Variants in ENC1 observed in about 807,000 individuals in gnomAD.
ENC1 encodes ectodermal-neural cortex 1, also known as ectoderm-neural cortex protein 1.
Under a neutral mutation model 40.9 loss-of-function variants are expected in ENC1, and 19 were observed. That is an observed-to-expected ratio of 0.46 (90% CI 0.32 to 0.68). The LOEUF (loss-of-function observed/expected upper bound fraction) is 0.68, where lower values mean the gene tolerates loss of function less well. Among genes scored for constraint, ENC1 ranks in the 30% least tolerant of loss-of-function variants. The pLI is 0.03. For missense variants in ENC1, 479 were observed against 737.5 expected (o/e 0.65, Z 4.06); for synonymous variants, 285 against 291.1 (o/e 0.98, Z 0.21).
At chr5:74,630,025 C>G (rs1747338750) in intron 2 of ENC1, 33 bp from the exon 3 acceptor site, 1 of 151,846 alleles carries the variant, frequency 6.6e-6, no homozygotes, top group Non-Finnish European at 1.5e-5. Context: ...AAAAACAAAA[C>G]AAAAAAGCAT....
In ENC1 at chr5:74,634,749, T is replaced by C. The variant is rs760978814; in HGVS notation, c.1737A>G (p.Ala579=). The change falls in exon 2 of 3, where the codon GCA becomes GCG. Residue 579 remains alanine, a synonymous_variant. Transcript: ENST00000302351. ...TTVPYSLIPT[A]FVSTWKHLPS ...GCAGATGTTTCCAGGTGCTGACAAA[T>C]GCAGTAGGAATCAGCGAGTACGGGA... 2 of 1,612,672 alleles carry C rather than the reference T, an allele frequency of 1.2e-6. No individual in the cohort carries two copies. The highest frequency in any genetic ancestry group is 2.2e-5 in the South Asian group (2 of 91,054).
intron 1 of ENC1, among the ~76,000 whole-genome samples, chr5:74,639,216 A>T (rs1034661864): frequency 1.3e-5 from 2 of 152,278 alleles, no homozygotes; most frequent in African/African-American, 4.8e-5. Context: ...TTTCTGGTTT[A>T]AAACTGTGCA....
In ENC1 at chr5:74,629,485, C is replaced by T. The variant is rs768656008; in HGVS notation, c.*540G>A. The T allele has an allele frequency of 2.4e-4, 37 of 152,190 alleles. No homozygotes were observed. Among genetic ancestry groups the T allele is most frequent in the South Asian group, 6.2e-4 (3 of 4,828 alleles). The allele number at this position is 152,190 out of a possible 1,614,324, so 9.4% of individuals were successfully genotyped here. A position where few individuals can be genotyped will look rare whatever the true frequency, so the allele number is the denominator to read the frequency against. On this transcript the variant is annotated 3_prime_UTR_variant, in exon 3 of 3. Transcript: ENST00000302351. ...TCAGAAACGTTCCTGGGGAGCAGACCCCTTAGAGATTAACGGAGAGTCCAG... is the reference window on the plus strand; with the variant it reads ...TCAGAAACGTTCCTGGGGAGCAGACTCCTTAGAGATTAACGGAGAGTCCAG...
chr5:74,639,107 T>C (rs534407482), intron 1 of ENC1, among the ~76,000 whole-genome samples: 385 of 152,334 alleles, frequency 2.5e-3, no homozygotes, highest in Non-Finnish European at 4.7e-3. Context: ...ACCACCCAGA[T>C]GGAAAAGCAC....
At chr5:74,637,137 A>T (rs1228079004) in intron 1 of ENC1, among the ~76,000 whole-genome samples, 1 of 152,200 alleles carries the variant, frequency 6.6e-6, no homozygotes, top group African/African-American at 2.4e-5. Context: ...TACTTTTGAG[A>T]CCAAGTCTCG....
rs964542990 is a variant in ENC1, at chr5:74,636,766, T to A, written c.-13-268A>T. On this transcript the variant is annotated intron_variant, in intron 1 of 2. Transcript: ENST00000302351. The surrounding 1 kb of genome is among the most constrained non-coding windows in gnomAD (Gnocchi z 4.8). ...AATCACTGCATAAAAAGCAGGTTCA[T>A]CTTGGAAAACCTGATTGCCAACTTT... is the stretch of plus-strand genomic sequence containing the variant. 6.6e-6 allele frequency among the ~76,000 whole-genome samples: 1 copy of A among 152,108 alleles called. No homozygotes were observed. Among genetic ancestry groups the A allele is most frequent in the African/African-American group, 2.4e-5 (1 of 41,516 alleles).
At position 74,634,929 on chromosome 5, in the gene ENC1, G is replaced by A; in HGVS notation, c.1557C>T (p.Thr519=). 1.2e-6 allele frequency: 2 copies of A among 1,614,024 alleles called. No individual in the cohort carries two copies. The highest frequency in any genetic ancestry group is 1.1e-5 in the South Asian group (1 of 91,082). ...GCTTTGCTGTCACATCTCCCACCTTGGTCCACTGGTAAGTCTCACTGTTGA... is the reference window on the plus strand; with the variant it reads ...GCTTTGCTGTCACATCTCCCACCTTAGTCCACTGGTAAGTCTCACTGTTGA... ...YKFNSETYQW[T]KVGDVTAKRM... The change falls in exon 2 of 3, where the codon ACC becomes ACT. Residue 519 remains threonine, a synonymous_variant. Transcript: ENST00000302351.
rs1747417423 is a variant in ENC1 at position 74,632,206 on chromosome 5, G to A, written c.*33-2214C>T. 2.0e-5 allele frequency: 3 copies of A among 152,160 alleles called. No individual in the cohort carries two copies. The South Asian group carries it at 6.2e-4, about 32-fold the overall frequency. 9.4% of individuals were successfully genotyped at this position (152,160 alleles called of 1,614,324 possible). ...CCACCACCCTGGTAGCAATTTTTAT[G>A]GCTCTTCTGTGCAAATATAGTCAGT... is the stretch of plus-strand genomic sequence containing the variant. On this transcript the variant is annotated intron_variant, in intron 2 of 2. Coordinates refer to ENST00000302351, the MANE Select transcript of ENC1 (RefSeq NM_003633.4).
chr5:74,638,100 T>C (rs1747672028), intron 1 of ENC1, among the ~76,000 whole-genome samples: 1 of 152,128 alleles, frequency 6.6e-6, no homozygotes, highest in African/African-American at 2.4e-5. Context: ...CCCCAGAGGG[T>C]AAACTGTGTG....
At position 74,636,618 on chromosome 5, in the gene ENC1, CTAT is replaced by C. The variant is rs1747605840; in HGVS notation, c.-13-123_-13-121del. Reference sequence around the variant, plus strand: ...ACTTTGTTGTTGACCATGCCACCTACTATTCTAGAATAGTGTATGGCCATTCCA... The same window carrying C: ...ACTTTGTTGTTGACCATGCCACCTACTCTAGAATAGTGTATGGCCATTCCA... On this transcript the variant is annotated intron_variant, in intron 1 of 2. Transcript: ENST00000302351. The surrounding 1 kb of genome is among the most constrained non-coding windows in gnomAD (Gnocchi z 4.8). 1.6e-6 allele frequency: 1 copy of C among 634,398 alleles called. No individual in the cohort carries two copies. Among genetic ancestry groups the C allele is most frequent in the Non-Finnish European group, 2.7e-6 (1 of 369,180 alleles). The allele number at this position is 634,398 out of a possible 1,614,324, so 39.3% of individuals were successfully genotyped here.
chr5:74,631,133 A>C (rs1015977701), intron 2 of ENC1, among the ~76,000 whole-genome samples: 38 of 151,632 alleles, frequency 2.5e-4, no homozygotes, highest in Admixed American at 2.0e-3. Flanking sequence ...CCCTCCCCCC[A>C]AAAAATTGCA....
chr5:74,638,079 C>T (rs1458392637), intron 1 of ENC1, among the ~76,000 whole-genome samples: 2 of 152,134 alleles, frequency 1.3e-5, no homozygotes, highest in Non-Finnish European at 2.9e-5. Flanking sequence ...GCTGTTTATC[C>T]CGCTGTTTAT....
chr5:74,628,683 T>C lies in ENC1; in HGVS notation c.*1342A>G, dbSNP rs190726296. The C allele has an allele frequency of 2.6e-5, 4 of 152,334 alleles. No homozygotes were observed. The highest frequency in any genetic ancestry group is 9.6e-5 in the African/African-American group (4 of 41,574). The allele number at this position is 152,334 out of a possible 1,614,324, so 9.4% of individuals were successfully genotyped here. A position where few individuals can be genotyped will look rare whatever the true frequency, so the allele number is the denominator to read the frequency against. Reference sequence around the variant, plus strand: ...ATACATTGTGCCAATGTAATTATTGTCTTGGAGACCTTCTAGAACTTGCTA... The same window carrying C: ...ATACATTGTGCCAATGTAATTATTGCCTTGGAGACCTTCTAGAACTTGCTA... On this transcript the variant is annotated 3_prime_UTR_variant, in exon 3 of 3. Coordinates refer to ENST00000302351, the MANE Select transcript of ENC1 (RefSeq NM_003633.4).
Position 74,629,234 on chromosome 5 carries a change from T to G in ENC1, c.*791A>C, listed in dbSNP as rs1747307613. The G allele has an allele frequency of 6.6e-6, 1 of 152,196 alleles. No homozygotes were observed. The highest frequency in any genetic ancestry group is 2.1e-4 in the South Asian group (1 of 4,828). 9.4% of individuals were successfully genotyped at this position (152,196 alleles called of 1,614,324 possible). ...ATTGTAACTCAAAAATTTTCATGTT[T>G]GTGCAGCAAAGCACATCTCAACAGC... On this transcript the variant is annotated 3_prime_UTR_variant, in exon 3 of 3. Transcript: ENST00000302351.
At chr5:74,632,907 T>C (rs1351543576) in intron 2 of ENC1, among the ~76,000 whole-genome samples, 23 of 152,100 alleles carry the variant, frequency 1.5e-4, no homozygotes, top group Non-Finnish European at 7.4e-5. Context: ...TTTAATGATG[T>C]TTCTAAATGA....
At position 74,635,228 on chromosome 5, in the gene ENC1, T is replaced by G; in HGVS notation, c.1258A>C (p.Thr420Pro). 1 of 1,614,184 alleles carries G rather than the reference T, an allele frequency of 6.2e-7. No individual in the cohort carries two copies. The highest frequency in any genetic ancestry group is 8.5e-7 in the Non-Finnish European group (1 of 1,180,024). ...SLKQVEHYDP[T>P]INKWTMVAPL... ...GCCACCATGGTCCATTTGTTGATTG[T>G]GGGGTCATAATGTTCTACCTGCTTT... Residue 420 changes from threonine to proline, a missense_variant, in exon 2 of 3, where the codon ACA becomes CCA. Coordinates refer to ENST00000302351, the MANE Select transcript of ENC1 (RefSeq NM_003633.4). This position sits in a 1 kb window ranked among gnomAD's most constrained non-coding sequence, Gnocchi z 5.5.
chr5:74,630,404 T>G (rs1351596359), intron 2 of ENC1, among the ~76,000 whole-genome samples: 1 of 152,166 alleles, frequency 6.6e-6, no homozygotes, highest in East Asian at 1.9e-4. Context: ...AAGTGATCAC[T>G]AAGGGGTGAA....
At chr5:74,638,003 C>T (rs1747666220) in intron 1 of ENC1, among the ~76,000 whole-genome samples, 1 of 152,068 alleles carries the variant, frequency 6.6e-6, no homozygotes. Context: ...TCTTTTACAC[C>T]ATCCCTCTGT....
At chr5:74,632,803 A>G (rs1383986001) in intron 2 of ENC1, among the ~76,000 whole-genome samples, 1 of 152,226 alleles carries the variant, frequency 6.6e-6, no homozygotes, top group Admixed American at 6.5e-5. Flanking sequence ...GCGAGCTGAG[A>G]TAGCACCATT....
Sources: allele counts gnomAD v4.1 joint callset (sites outside exome capture counted in the v4.1 genomes callset), GRCh38; gene constraint gnomAD v4.1.1; non-coding constraint Gnocchi (gnomAD v3.1); transcripts MANE v1.5; gene names NCBI Gene and HGNC (gene_info 2026-07-23, HGNC 2026-07-21).